The following ST8SIA6 variants were observed in gnomAD, a reference collection of about 807,000 sequenced individuals.
The protein encoded by ST8SIA6 is ST8 alpha-N-acetyl-neuraminide alpha-2,8-sialyltransferase 6.
Under a neutral mutation model 33.6 loss-of-function variants are expected in ST8SIA6, and 39 were observed. The observed-to-expected ratio is 1.16, with a 90% CI of 0.90 to 1.52. The LOEUF (loss-of-function observed/expected upper bound fraction) is 1.52. ST8SIA6 is among the 40% of genes most tolerant of loss of function. The pLI, the probability that ST8SIA6 is intolerant of heterozygous loss-of-function variation, is 0.00. For missense variants in ST8SIA6, 441 were observed against 443.8 expected, an observed-to-expected ratio of 0.99 and a Z score of 0.06; for synonymous variants, 172 against 167.2, an observed-to-expected ratio of 1.03 and a Z score of -0.22.
intron 2 of ST8SIA6, among the ~76,000 whole-genome samples, chr10:17,419,357 C>CATTT (rs1851706869): frequency 6.6e-6 from 1 of 152,152 alleles, no homozygotes; most frequent in South Asian, 2.1e-4. Context: ...CATGGTGAGA[C>CATTT]TTTGTCTGTA....
chr10:17,348,259 G>A (rs1848916456), intron 4 of ST8SIA6, among the ~76,000 whole-genome samples: 1 of 137,760 alleles, frequency 7.3e-6, no homozygotes, highest in Non-Finnish European at 1.5e-5. Flanking sequence ...GCAACATATT[G>A]AGAGCCTGAA....
chr10:17,330,847 A>G (rs894569898), intron 5 of ST8SIA6, among the ~76,000 whole-genome samples: 1 of 152,246 alleles, frequency 6.6e-6, no homozygotes, highest in African/African-American at 2.4e-5. Context: ...GTTTTATATC[A>G]TATCATTACT....
At chr10:17,324,106 T>C (rs1848049435) in intron 6 of ST8SIA6, among the ~76,000 whole-genome samples, 1 of 152,212 alleles carries the variant, frequency 6.6e-6, no homozygotes, top group Non-Finnish European at 1.5e-5. Flanking sequence ...TTTTGAGTAA[T>C]TATATTCTTG....
intron 2 of ST8SIA6, among the ~76,000 whole-genome samples, chr10:17,442,730 A>G (rs1358651466): frequency 1.3e-5 from 2 of 152,254 alleles, no homozygotes; most frequent in African/African-American, 4.8e-5. Flanking sequence ...AATTATAGAT[A>G]TGGGTTTTCA....
intron 4 of ST8SIA6, among the ~76,000 whole-genome samples, chr10:17,336,232 C>T (rs868142671): frequency 6.6e-6 from 1 of 152,176 alleles, no homozygotes; most frequent in Admixed American, 6.5e-5. Flanking sequence ...GCTGGAATTA[C>T]ATGCCTGAGC....
rs572455869 is a variant in ST8SIA6, at chr10:17,349,313, C to A, written c.377+10201G>T. 7.9e-5 allele frequency among the ~76,000 whole-genome samples: 12 copies of A among 152,222 alleles called. No homozygotes were observed. In the East Asian group the frequency reaches 2.3e-3, roughly 29 times the overall value. On this transcript the variant is annotated intron_variant, in intron 4 of 7. Transcript: ENST00000377602. ...CCTAGGCAGAGGACTGGAACAGAAA[C>A]TATTATAGCATTATTGCTCCATCAC...
chr10:17,360,454 A>G (rs1439080361), intron 3 of ST8SIA6, among the ~76,000 whole-genome samples: 1 of 152,048 alleles, frequency 6.6e-6, no homozygotes, highest in East Asian at 1.9e-4. Flanking sequence ...ATATTCACAT[A>G]TACATGAAAG....
At chr10:17,363,060 A>G (rs764468764) in intron 3 of ST8SIA6, among the ~76,000 whole-genome samples, 1 of 152,182 alleles carries the variant, frequency 6.6e-6, no homozygotes, top group Non-Finnish European at 1.5e-5. Flanking sequence ...GTCATAAACT[A>G]TTCTGAATAA....
intron 3 of ST8SIA6, among the ~76,000 whole-genome samples, chr10:17,386,308 G>A (rs374656278): frequency 6.6e-6 from 1 of 152,072 alleles, no homozygotes; most frequent in African/African-American, 2.4e-5. Context: ...TCAGGAGCTC[G>A]ATCACAAGGT....
chr10:17,341,015 A>C (rs61841859), intron 4 of ST8SIA6, among the ~76,000 whole-genome samples: 3,787 of 152,306 alleles, frequency 0.025, 85 homozygotes, highest in Admixed American at 0.035. Context: ...AGAAGGTGAA[A>C]GAGAAAGAAT....
chr10:17,398,323 T>TTTTTTTTTTTTTTC (rs1850899937), intron 2 of ST8SIA6, among the ~76,000 whole-genome samples: 2 of 149,520 alleles, frequency 1.3e-5, no homozygotes, highest in Non-Finnish European at 3.0e-5. Flanking sequence ...CAAGACTCCA[T>TTTTTTTTTTTTTTC]CTTAAGGAAA....
rs114573749 is a variant in ST8SIA6, at chr10:17,375,039, C to T, written c.291-15439G>A. On this transcript the variant is annotated intron_variant, in intron 3 of 7. Coordinates refer to ENST00000377602, the MANE Select transcript of ST8SIA6 (RefSeq NM_001004470.3). ...GCAGCCTCAACCTCCTGGCCTCAAG[C>T]GATCCTCCAGCCTTAGCCTCCGAAA... Among the ~76,000 whole-genome samples the T allele has an allele frequency of 7.6e-3, 1,150 of 151,270 alleles. 14 individuals are homozygous for T. The highest frequency in any genetic ancestry group is 0.026 in the African/African-American group (1,081 of 41,234).
chr10:17,420,179 C>T (rs564416400), intron 2 of ST8SIA6, among the ~76,000 whole-genome samples: 31 of 152,252 alleles, frequency 2.0e-4, no homozygotes, highest in African/African-American at 4.6e-4. Context: ...TTTCGGAGGC[C>T]GAGACGGGCG....
intron 2 of ST8SIA6, among the ~76,000 whole-genome samples, chr10:17,426,572 A>C (rs1851945536): frequency 6.6e-6 from 1 of 152,188 alleles, no homozygotes; most frequent in Admixed American, 6.5e-5. Flanking sequence ...CATCTCAAGG[A>C]AAGTGGTTCA....
chr10:17,337,418 A>G (rs1848541079), intron 4 of ST8SIA6, among the ~76,000 whole-genome samples: 1 of 152,194 alleles, frequency 6.6e-6, no homozygotes, highest in African/African-American at 2.4e-5. Context: ...TGGTTTAGCC[A>G]TCCCCCTTGC....
At chr10:17,324,545 G>T (rs1309912939) in intron 6 of ST8SIA6, among the ~76,000 whole-genome samples, 1 of 151,774 alleles carries the variant, frequency 6.6e-6, no homozygotes, top group African/African-American at 2.4e-5. Context: ...AATATCATAG[G>T]AGACTCCATA....
intron 2 of ST8SIA6, among the ~76,000 whole-genome samples, chr10:17,430,010 C>T (rs767778421): frequency 1.3e-5 from 2 of 152,108 alleles, no homozygotes; most frequent in East Asian, 3.9e-4. Flanking sequence ...GAGCAGTGTA[C>T]ATTGTACCTA....
intron 4 of ST8SIA6, among the ~76,000 whole-genome samples, chr10:17,335,697 A>G (rs549125602): frequency 1.1e-4 from 17 of 152,318 alleles, no homozygotes; most frequent in African/African-American, 3.4e-4. Context: ...CAAAAACATG[A>G]TACTAAGTAG....
In ST8SIA6 at chr10:17,317,377, A is replaced by G. The variant is rs1447578756; in HGVS notation, c.*3501T>C. On this transcript the variant is annotated 3_prime_UTR_variant, in exon 8 of 8. Coordinates refer to ENST00000377602, the MANE Select transcript of ST8SIA6 (RefSeq NM_001004470.3). ...TGACACTGTTCCTCGCTATGGGATC[A>G]GCCTTCTGAAGCCACATGTAAATAG... 6.6e-6 allele frequency among the ~76,000 whole-genome samples: 1 copy of G among 152,192 alleles called. No homozygotes were observed. Among genetic ancestry groups the G allele is most frequent in the East Asian group, 1.9e-4 (1 of 5,196 alleles).
Sources: gnomAD v4.1 joint callset for allele counts (sites outside exome capture counted in the v4.1 genomes callset) on GRCh38, gnomAD v4.1.1 for gene constraint, MANE v1.5 for transcripts, NCBI Gene and HGNC (gene_info 2026-07-23, HGNC 2026-07-21) for gene names.